Variants in QSOX2 observed in about 807,000 individuals in gnomAD.
QSOX2 encodes the protein quiescin sulfhydryl oxidase 2.
In QSOX2, 46 loss-of-function variants were observed where a neutral mutation model predicts 61.7. That is an observed-to-expected ratio of 0.75 (90% CI 0.59 to 0.95). QSOX2 has a LOEUF of 0.95. Among genes scored for constraint, QSOX2 ranks in the 40% least tolerant of loss-of-function variants. The pLI, the probability that QSOX2 is intolerant of heterozygous loss-of-function variation, is 0.00. For synonymous variants in QSOX2, 383 were observed against 388.4 expected (o/e 0.99, Z 0.16); for missense variants, 879 against 918.9 (o/e 0.96, Z 0.56).
Position 136,219,053 on chromosome 9 carries a change from G to A in QSOX2, c.933C>T (p.Ile311=), listed in dbSNP as rs144583274. The change falls in exon 7 of 12, where the codon ATC becomes ATT. Residue 311 remains isoleucine, a synonymous_variant. Transcript: ENST00000358701. The part of the protein sequence containing the change: ...EKPHKEENSE[I]VVWREFDKSK... ...GCTTGTCAAATTCTCTCCAAACCAC[G>A]ATTTCTGAATTTTCTTCTTTGTGTG... 982 of 1,614,098 alleles carry A rather than the reference G, an allele frequency of 6.1e-4. No individual in the cohort carries two copies. Among genetic ancestry groups the A allele is most frequent in the Admixed American group, 1.5e-3 (89 of 60,020 alleles).
chr9:136,238,581 T>G (rs1253319280), intron 1 of QSOX2, among the ~76,000 whole-genome samples: 1 of 152,194 alleles, frequency 6.6e-6, no homozygotes, highest in East Asian at 1.9e-4. Context: ...TCCTCCCACC[T>G]GGCTGTGCCA....
chr9:136,235,929 G>A (rs1564297447), intron 1 of QSOX2, among the ~76,000 whole-genome samples: 1 of 152,210 alleles, frequency 6.6e-6, no homozygotes, highest in Non-Finnish European at 1.5e-5. Flanking sequence ...AGCTTCGGGA[G>A]GAACTGGGCT....
chr9:136,226,098 C>T (rs769366130), intron 2 of QSOX2, among the ~76,000 whole-genome samples: 4 of 152,238 alleles, frequency 2.6e-5, no homozygotes, highest in Non-Finnish European at 5.9e-5. Context: ...CATGACACCA[C>T]ACCACACAGC....
chr9:136,211,496 AT>A, intron 10 of QSOX2, 44 bp from the exon 11 acceptor site: 1 of 1,591,928 alleles, frequency 6.3e-7, no homozygotes, highest in Non-Finnish European at 8.6e-7. Flanking sequence ...GTGCGTGGGC[AT>A]CACCTGACCC....
intron 1 of QSOX2, among the ~76,000 whole-genome samples, chr9:136,230,918 T>C (rs1564295577): frequency 6.6e-6 from 1 of 152,222 alleles, no homozygotes; most frequent in African/African-American, 2.4e-5. Context: ...CTCTTTCCAC[T>C]GATCTGTTCC....
chr9:136,211,511 G>A lies in QSOX2; in HGVS notation c.1361-59C>T, dbSNP rs1280626877. On this transcript the variant is annotated intron_variant, in intron 10 of 11. Coordinates refer to ENST00000358701, the MANE Select transcript of QSOX2 (RefSeq NM_181701.4). The stretch of plus-strand genomic sequence containing the variant: ...GTGCGTGGGCATCACCTGACCCCAC[G>A]CTTGTCCAGAGAGCCTGGGGGGAAA... 1.5e-5 allele frequency: 24 copies of A among 1,563,262 alleles called. 1 individual carries two copies. In the South Asian group the frequency reaches 2.1e-4, roughly 14 times the overall value.
chr9:136,212,422 C>T (rs570954588), intron 10 of QSOX2, among the ~76,000 whole-genome samples: 6 of 152,372 alleles, frequency 3.9e-5, no homozygotes, highest in South Asian at 2.1e-4. Flanking sequence ...GCAGGCCTGA[C>T]GCTTGTCGTG....
chr9:136,211,280 C>T lies in QSOX2; in HGVS notation c.1533G>A (p.Val511=). The T allele has an allele frequency of 6.2e-7, 1 of 1,614,078 alleles. No homozygotes were observed. Among genetic ancestry groups the T allele is most frequent in the Non-Finnish European group, 8.5e-7 (1 of 1,179,926 alleles). Residue 511 remains valine, a synonymous_variant, in exon 11 of 12, where the codon GTG becomes GTA. Coordinates refer to ENST00000358701, the MANE Select transcript of QSOX2 (RefSeq NM_181701.4). ...GCTTCTCACCTGCCAGGCGGCCGTT[C>T]ACCATATTATGCTTCTTCCACAGCC... ...ILWLWKKHNM[V]NGRLAGHLSE...
At chr9:136,235,015 C>T (rs1484748346) in intron 1 of QSOX2, among the ~76,000 whole-genome samples, 1 of 152,224 alleles carries the variant, frequency 6.6e-6, no homozygotes, top group Non-Finnish European at 1.5e-5. Context: ...CGCTGTTCAA[C>T]TGGTTCCCCC....
chr9:136,211,579 G>A lies in QSOX2; in HGVS notation c.1361-127C>T, dbSNP rs1361162688. ...GGAAGCCACCTCATGTCTCCCCAGG[G>A]GCCTCAGGCTGTGGGCACAGACCAG... is the stretch of plus-strand genomic sequence containing the variant. On this transcript the variant is annotated intron_variant, in intron 10 of 11. Coordinates refer to ENST00000358701, the MANE Select transcript of QSOX2 (RefSeq NM_181701.4). 8.0e-6 allele frequency: 7 copies of A among 877,354 alleles called. No homozygotes were observed. The East Asian group carries it at 1.9e-4, about 23-fold the overall frequency. 54.3% of individuals were successfully genotyped at this position (877,354 alleles called of 1,614,324 possible). A position where few individuals can be genotyped will look rare whatever the true frequency, so the allele number is the denominator to read the frequency against.
At chr9:136,216,788 G>T (rs927103661) in intron 8 of QSOX2, 66 bp from the exon 9 acceptor site, 3 of 1,583,842 alleles carry the variant, frequency 1.9e-6, no homozygotes, top group African/African-American at 1.3e-5. Flanking sequence ...ACCGCGGGGG[G>T]CACCGCACCT....
Position 136,223,961 on chromosome 9 carries a change from A to G in QSOX2, c.584+46T>C, listed in dbSNP as rs1830255182. On this transcript the variant is annotated intron_variant, in intron 4 of 11. Transcript: ENST00000358701. The surrounding 1 kb of genome is among the most constrained non-coding windows in gnomAD (Gnocchi z 4.4). ...TAGAAACCTATTACGTTTCTTGCAC[A>G]GTTCAACACGAGTCTAACGGCCGCC... is the stretch of plus-strand genomic sequence containing the variant. The G allele has an allele frequency of 6.3e-7, 1 of 1,584,760 alleles. No homozygotes were observed. The highest frequency in any genetic ancestry group is 1.3e-5 in the African/African-American group (1 of 74,238).
At chr9:136,225,053 G>C in intron 2 of QSOX2, 144 bp from the exon 3 acceptor site, 4 of 578,270 alleles carry the variant, frequency 6.9e-6, no homozygotes, top group Non-Finnish European at 6.0e-6. Context: ...CAAACCACAC[G>C]CTTCTCCTTG....
At position 136,215,959 on chromosome 9, in the gene QSOX2, G is replaced by A. The variant is rs754200514; in HGVS notation, c.1209+641C>T. 1.1e-4 allele frequency among the ~76,000 whole-genome samples: 17 copies of A among 152,340 alleles called. 1 individual carries two copies. The highest frequency in any genetic ancestry group is 5.2e-4 in the Admixed American group (8 of 15,306). On this transcript the variant is annotated intron_variant, in intron 9 of 11. Transcript: ENST00000358701. The stretch of plus-strand genomic sequence containing the variant: ...GAAGACAGACTCAGGCAAGAAGCCC[G>A]GCACCGTCTGCTTCTCAGCTGCAGC...
At chr9:136,226,617 T>C (rs1001262253) in intron 2 of QSOX2, among the ~76,000 whole-genome samples, 157 bp downstream of exon 2, 3 of 152,252 alleles carry the variant, frequency 2.0e-5, no homozygotes. Context: ...CATCAGCTCC[T>C]ACAATTCCTA....
chr9:136,244,484 G>A (rs934826251), intron 1 of QSOX2, among the ~76,000 whole-genome samples: 2 of 152,200 alleles, frequency 1.3e-5, no homozygotes, highest in Non-Finnish European at 2.9e-5. Flanking sequence ...TGGGTGTAAG[G>A]CATAAAAACA....
At chr9:136,210,022 C>T (rs1218376602) in intron 11 of QSOX2, 3 of 985,310 alleles carry the variant, frequency 3.0e-6, no homozygotes, top group African/African-American at 1.7e-5. Context: ...AACACAACCA[C>T]GTTTGTCTGG....
chr9:136,209,132 C>G lies in QSOX2; in HGVS notation c.1693G>C (p.Asp565His), dbSNP rs374591343. The change falls in exon 12 of 12, where the codon GAC becomes CAC. Residue 565 changes from aspartate to histidine, a missense_variant. Coordinates refer to ENST00000358701, the MANE Select transcript of QSOX2 (RefSeq NM_181701.4). This position sits in a 1 kb window ranked among gnomAD's most constrained non-coding sequence, Gnocchi z 5.6. ...GCGGAATACGTGTCTAAGAGGTTGTCGCGGCCATAGTGCTGCTTCAAGAAT... is the reference window on the plus strand; with the variant it reads ...GCGGAATACGTGTCTAAGAGGTTGTGGCGGCCATAGTGCTGCTTCAAGAAT... ...LTFLKQHYGR[D>H]NLLDTYSADQ... 2.0e-5 allele frequency: 33 copies of G among 1,614,180 alleles called. No individual in the cohort carries two copies. The highest frequency in any genetic ancestry group is 2.4e-5 in the Non-Finnish European group (28 of 1,180,032).
At position 136,207,012 on chromosome 9, in the gene QSOX2, A is replaced by T. The variant is rs1831773052; in HGVS notation, c.*1716T>A. The T allele has an allele frequency of 6.6e-6, 1 of 152,320 alleles. No homozygotes were observed. The highest frequency in any genetic ancestry group is 2.1e-4 in the South Asian group (1 of 4,822). The allele number at this position is 152,320 out of a possible 1,614,324, so 9.4% of individuals were successfully genotyped here. ...CAGGCCTGCACTGGATGAAGCAATG[A>T]AGGCAAGGTCACGGCTGCTAAAGCA... On this transcript the variant is annotated 3_prime_UTR_variant, in exon 12 of 12. Coordinates refer to ENST00000358701, the MANE Select transcript of QSOX2 (RefSeq NM_181701.4).
Sources: gnomAD v4.1 joint callset for allele counts (sites outside exome capture counted in the v4.1 genomes callset) on GRCh38, gnomAD v4.1.1 for gene constraint, Gnocchi (gnomAD v3.1) non-coding constraint, MANE v1.5 for transcripts, NCBI Gene and HGNC (gene_info 2026-07-23, HGNC 2026-07-21) for gene names.